Variants in PSG7 observed in about 807,000 individuals in gnomAD.
PSG7 encodes pregnancy specific beta-1-glycoprotein 7, also known as pregnancy-specific beta-1-glycoprotein 7.
Under a neutral mutation model 45.6 loss-of-function variants are expected in PSG7, and 57 were observed. The ratio of observed to expected loss-of-function variants is 1.25; its 90% CI spans 1.01 to 1.56. The LOEUF is 1.56. Ranked by LOEUF, PSG7 falls within the 40% of genes most tolerant of loss-of-function variation. PSG7 has a pLI of 0.00. For missense variants in PSG7, 796 were observed against 508.4 expected, an observed-to-expected ratio of 1.57 and a Z score of -5.44; for synonymous variants, 298 against 194.4, an observed-to-expected ratio of 1.53 and a Z score of -4.43.
rs1016694264 is a variant in PSG7, at chr19:42,936,931, T to C, written c.64+82A>G. On this transcript the variant is annotated intron_variant, in intron 1 of 5. Coordinates refer to ENST00000406070, the MANE Select transcript of PSG7 (RefSeq NM_002783.3). ...CAAAGTGCTGGCTTCTTTTATTTTT[T>C]AGAACCCCATCCTCTCTAGGAGACC... 117 of 1,574,064 alleles carry C rather than the reference T, an allele frequency of 7.4e-5. 4 individuals carry two copies. Among genetic ancestry groups the C allele is most frequent in the Non-Finnish European group, 9.9e-5 (114 of 1,150,428 alleles).
intron 2 of PSG7, among the ~76,000 whole-genome samples, chr19:42,932,109 C>A (rs1278016398): frequency 6.6e-6 from 1 of 151,288 alleles, no homozygotes; most frequent in African/African-American, 2.4e-5. Context: ...CTGCAAGCTC[C>A]GCCTCCCGGT....
At position 42,929,512 on chromosome 19, in the gene PSG7, T is replaced by C. The variant is rs1319002804; in HGVS notation, c.639A>G (p.Gly213=). Residue 213 remains glycine (G), a synonymous_variant, in exon 3 of 6, where the codon GGA becomes GGG. Coordinates refer to ENST00000406070, the MANE Select transcript of PSG7 (RefSeq NM_002783.3). ...GGTTCCGTATTTCACATTCATAGGGTCCTGCAGTATAGTTTGTGACACCAA... is the reference window on the plus strand; with the variant it reads ...GGTTCCGTATTTCACATTCATAGGGCCCTGCAGTATAGTTTGTGACACCAA... ...YLFGVTNYTA[G]PYECEIRNPV... is the part of the protein sequence containing the mutation. The C allele has an allele frequency of 2.5e-6, 4 of 1,612,408 alleles. No individual in the cohort carries two copies. The highest frequency in any genetic ancestry group is 3.4e-6 in the Non-Finnish European group (4 of 1,179,224).
At chr19:42,933,317 T>A (rs1403892590) in intron 2 of PSG7, among the ~76,000 whole-genome samples, 16 of 65,744 alleles carry the variant, frequency 2.4e-4, no homozygotes, top group South Asian at 6.6e-4. Flanking sequence ...ATTTTTTTTT[T>A]TTTTTGGTGT....
chr19:42,935,721 A>C lies in PSG7; in HGVS notation c.113T>G (p.Ile38Ser), dbSNP rs376569971. The C allele has an allele frequency of 6.2e-7, 1 of 1,611,772 alleles. No individual in the cohort carries two copies. The highest frequency in any genetic ancestry group is 8.5e-7 in the Non-Finnish European group (1 of 1,179,022). Reference protein sequence around the residue: ...WNPPTTAQVTIEAQPPKVSEG... With the variant: ...WNPPTTAQVTSEAQPPKVSEG... ...GGAAACTTTTGGTGGCTGGGCTTCA[A>C]TCGTGACTTGGGCTGTGGTGGGCGG... Residue 38 changes from isoleucine (I) to serine (S), a missense_variant, in exon 2 of 6, where the codon ATT (isoleucine) becomes AGT (serine). Physicochemically the swap from Ile to Ser is moderately radical, Grantham distance 142. Coordinates refer to ENST00000406070, the MANE Select transcript of PSG7 (RefSeq NM_002783.3).
chr19:42,926,444 C>T lies in PSG7; in HGVS notation c.982G>A (p.Val328Ile), dbSNP rs750304418. 13 of 1,611,438 alleles carry T rather than the reference C, an allele frequency of 8.1e-6. 1 individual carries two copies. The highest frequency in any genetic ancestry group is 2.7e-5 in the African/African-American group (2 of 74,598). ...GIRSDPVTLN[V>I]LYGPDLPRIY... ...GATACTCAAGGATACTCACAGAGGACATTCAGGGTGACTGGGTCACTGCGG... is the reference window on the plus strand; with the variant it reads ...GATACTCAAGGATACTCACAGAGGATATTCAGGGTGACTGGGTCACTGCGG... Residue 328 changes from valine to isoleucine, a missense_variant, in exon 4 of 6, where the codon GTC becomes ATC. Coordinates refer to ENST00000406070, the MANE Select transcript of PSG7 (RefSeq NM_002783.3).
rs544426579 is a variant in PSG7, at chr19:42,933,788, A to G, written c.430+1616T>C. On this transcript the variant is annotated intron_variant, in intron 2 of 5. Coordinates refer to ENST00000406070, the MANE Select transcript of PSG7 (RefSeq NM_002783.3). ...CACTGACTTCAGTGACCCCAGGGAC[A>G]AGGTGCCCCCATTTCCACAGTCCAG... 7.3e-5 allele frequency among the ~76,000 whole-genome samples: 11 copies of G among 151,172 alleles called. No individual in the cohort carries two copies. In the South Asian group the frequency reaches 2.1e-3, roughly 29 times the overall value.
chr19:42,937,008 C>G lies in PSG7; in HGVS notation c.64+5G>C, dbSNP rs1372047695. The G allele has an allele frequency of 9.3e-6, 15 of 1,611,168 alleles. No homozygotes were observed. The highest frequency in any genetic ancestry group is 1.7e-4 in the Middle Eastern group (1 of 6,028). On this transcript the variant is annotated splice_donor_5th_base_variant and intron_variant, in intron 1 of 5. Coordinates refer to ENST00000406070, the MANE Select transcript of PSG7 (RefSeq NM_002783.3). ...CTGTCCTCTCCCAGGAAGTTCTCTC[C>G]TCACCTGTGAGCAGGAGCCCTTTCC...
chr19:42,929,561 T>C lies in PSG7; in HGVS notation c.590A>G (p.Glu197Gly), dbSNP rs1972970263. 1 of 1,612,618 alleles carries C rather than the reference T, an allele frequency of 6.2e-7. No homozygotes were observed. Among genetic ancestry groups the C allele is most frequent in the Non-Finnish European group, 8.5e-7 (1 of 1,179,248 alleles). ...AAATAGGTAGAGGGTCCTGTTGGTT[T>C]CAGACAGCTGCAAGCTGTGAGTCAT... is the stretch of plus-strand genomic sequence containing the variant. The part of the protein sequence containing the change: ...LPMTHSLQLS[E>G]TNRTLYLFGV... Residue 197 changes from glutamate to glycine, a missense_variant, in exon 3 of 6, where the codon GAA (glutamate) becomes GGA (glycine). Coordinates refer to ENST00000406070, the MANE Select transcript of PSG7 (RefSeq NM_002783.3).
rs190542670 is a variant in PSG7, at chr19:42,935,465, G to A, written c.369C>T (p.His123=). The part of the protein sequence containing the change: ...TQEDTGSYTL[H]IIKRGDGTGG... Reference sequence around the variant, plus strand: ...CAGTCCCATCACCTCGCTTTATGATGTGTAAAGTGTAGGATCCTGTGTCTT... The same window carrying A: ...CAGTCCCATCACCTCGCTTTATGATATGTAAAGTGTAGGATCCTGTGTCTT... The change falls in exon 2 of 6, where the codon CAC becomes CAT. Residue 123 remains histidine (H), a synonymous_variant. Transcript: ENST00000406070. 1.3e-4 allele frequency: 214 copies of A among 1,612,210 alleles called. 10 individuals carry two copies. Among genetic ancestry groups the A allele is most frequent in the South Asian group, 1.3e-3 (115 of 90,802 alleles).
chr19:42,925,697 T>G, intron 5 of PSG7, 76 bp downstream of exon 5: 1 of 1,605,848 alleles, frequency 6.2e-7, no homozygotes, highest in South Asian at 1.1e-5. Flanking sequence ...AATACAAATG[T>G]TTTCCTGACT....
At chr19:42,926,412 A>G in intron 4 of PSG7, 26 bp downstream of exon 4, 1 of 1,609,694 alleles carries the variant, frequency 6.2e-7, no homozygotes, top group Non-Finnish European at 8.5e-7. Flanking sequence ...CCCACAGAGG[A>G]AGAAAGGATA....
chr19:42,926,921 TAG>T (rs1972907277), intron 3 of PSG7: 1 of 1,036,444 alleles, frequency 9.6e-7, no homozygotes, highest in African/African-American at 1.6e-5. Context: ...TAGGGAAGCA[TAG>T]ACTTTCTCAA....
chr19:42,925,712 T>C (rs1321432301), intron 5 of PSG7, 61 bp downstream of exon 5: 1 of 1,608,522 alleles, frequency 6.2e-7, no homozygotes. Flanking sequence ...CTGACTTTTC[T>C]CTGAAAGTCA....
At chr19:42,925,182 T>G (rs1406594830) in intron 5 of PSG7, 1 of 352,896 alleles carries the variant, frequency 2.8e-6, no homozygotes, top group Non-Finnish European at 5.1e-6. Flanking sequence ...TGGTTCATTC[T>G]AGCTATATTC....
intron 2 of PSG7, among the ~76,000 whole-genome samples, chr19:42,931,738 C>G (rs772574121): frequency 4.0e-5 from 6 of 151,404 alleles, no homozygotes; most frequent in Non-Finnish European, 8.8e-5. Flanking sequence ...TGAGATAGCA[C>G]CTACCTGGCC....
At position 42,936,926 on chromosome 19, in the gene PSG7, T is replaced by G. The variant is rs1292788829; in HGVS notation, c.64+87A>C. On this transcript the variant is annotated intron_variant, in intron 1 of 5. Coordinates refer to ENST00000406070, the MANE Select transcript of PSG7 (RefSeq NM_002783.3). The stretch of plus-strand genomic sequence containing the variant: ...CCTCCCAAAGTGCTGGCTTCTTTTA[T>G]TTTTTAGAACCCCATCCTCTCTAGG... 7 of 1,568,076 alleles carry G rather than the reference T, an allele frequency of 4.5e-6. No individual in the cohort carries two copies. In the African/African-American group the frequency reaches 8.2e-5, roughly 18 times the overall value.
At chr19:42,934,225 C>T (rs1375424096) in intron 2 of PSG7, among the ~76,000 whole-genome samples, 2 of 151,448 alleles carry the variant, frequency 1.3e-5, no homozygotes, top group East Asian at 1.9e-4. Flanking sequence ...TTTTTTTGCA[C>T]TGACTCTGAT....
intron 2 of PSG7, among the ~76,000 whole-genome samples, chr19:42,933,486 TG>T (rs1233184106): frequency 6.8e-6 from 1 of 148,082 alleles, no homozygotes; most frequent in East Asian, 2.0e-4. Flanking sequence ...CTTAGTGACC[TG>T]GGGTCATTGG....
rs200801585 is a variant in PSG7 at position 42,926,619 on chromosome 19, G to A, written c.807C>T (p.Tyr269=). 3.9e-4 allele frequency: 634 copies of A among 1,610,190 alleles called. 20 individuals are homozygous for A. Among genetic ancestry groups the A allele is most frequent in the Non-Finnish European group, 2.6e-4 (303 of 1,179,062 alleles). Residue 269 remains tyrosine (Y), a synonymous_variant, in exon 4 of 6, where the codon TAC becomes TAT. Coordinates refer to ENST00000406070, the MANE Select transcript of PSG7 (RefSeq NM_002783.3). ...TFTCEPKSEN[Y]TYIWWLNGQS... The stretch of plus-strand genomic sequence containing the variant: ...GACCATTTAGCCACCAAATGTAGGT[G>A]TAGTTCTCACTCTTAGGTTCACAGG...
Sources: gnomAD v4.1 joint callset for allele counts (sites outside exome capture counted in the v4.1 genomes callset) on GRCh38, gnomAD v4.1.1 for gene constraint, MANE v1.5 for transcripts, NCBI Gene and HGNC (gene_info 2026-07-23, HGNC 2026-07-21) for gene names.